Variants in GULP1 observed in about 807,000 individuals in gnomAD.
The protein encoded by GULP1 is GULP PTB domain containing engulfment adaptor 1, also known as PTB domain-containing engulfment adapter protein 1.
In GULP1, 19 loss-of-function variants were observed where a neutral mutation model predicts 40.9. That is an observed-to-expected ratio of 0.46 (90% CI 0.32 to 0.68). GULP1 has a LOEUF of 0.68. Ranked by LOEUF, GULP1 falls within the 30% of genes least tolerant of loss-of-function variation. The pLI, the probability that GULP1 is intolerant of heterozygous loss-of-function variation, is 0.03. For synonymous variants in GULP1, 119 were observed against 117.6 expected, an observed-to-expected ratio of 1.01 and a Z score of -0.08; for missense variants, 312 against 362.2, an observed-to-expected ratio of 0.86 and a Z score of 1.12.
chr2:188,486,716 A>C (rs2061892406), intron 4 of GULP1, among the ~76,000 whole-genome samples: 1 of 151,998 alleles, frequency 6.6e-6, no homozygotes, highest in Admixed American at 6.6e-5. Context: ...GGTTTAAAAT[A>C]AGCATTGTTC....
intron 8 of GULP1, chr2:188,569,631 C>G (rs1698601303): frequency 4.9e-6 from 2 of 404,448 alleles, no homozygotes; most frequent in Non-Finnish European, 8.9e-6. Context: ...GCAGCAGAAG[C>G]AGCAGATGCT....
chr2:188,451,940 A>G (rs1304130183), intron 2 of GULP1, among the ~76,000 whole-genome samples: 1 of 152,212 alleles, frequency 6.6e-6, no homozygotes, highest in African/African-American at 2.4e-5. Flanking sequence ...TATGTTTTAA[A>G]TAGGACATTT....
intron 4 of GULP1, among the ~76,000 whole-genome samples, chr2:188,512,782 A>G (rs6724428): frequency 0.55 from 83,417 of 151,920 alleles, 23,718 homozygotes; most frequent in East Asian, 0.9. Flanking sequence ...TGTTAAATAG[A>G]ATACAGTGAA....
At chr2:188,386,236 G>A (rs1288981180) in intron 2 of GULP1, among the ~76,000 whole-genome samples, 3 of 152,124 alleles carry the variant, frequency 2.0e-5, no homozygotes, top group African/African-American at 7.2e-5. Flanking sequence ...AAGAGGGCTT[G>A]TGTAGGAAAA....
intron 4 of GULP1, among the ~76,000 whole-genome samples, chr2:188,485,709 T>C (rs977599347): frequency 6.6e-5 from 10 of 152,062 alleles, no homozygotes; most frequent in African/African-American, 2.2e-4. Context: ...AACCTTTCTA[T>C]GTCTGTGATT....
intron 7 of GULP1, among the ~76,000 whole-genome samples, chr2:188,542,415 T>A (rs1690760581): frequency 6.6e-6 from 1 of 152,214 alleles, no homozygotes; most frequent in Non-Finnish European, 1.5e-5. Flanking sequence ...ACCTTTTTAT[T>A]TGTTCATGTG....
intron 9 of GULP1, 131 bp downstream of exon 9, chr2:188,570,251 G>A (rs1191949741): frequency 1.8e-6 from 1 of 550,472 alleles, no homozygotes; most frequent in Non-Finnish European, 3.2e-6. Flanking sequence ...AGAGATGAAG[G>A]CTGCTAAGCA....
At chr2:188,512,251 G>A (rs2064655864) in intron 4 of GULP1, among the ~76,000 whole-genome samples, 1 of 151,894 alleles carries the variant, frequency 6.6e-6, no homozygotes, top group African/African-American at 2.4e-5. Context: ...TGGTTACAAA[G>A]ATATATACGC....
intron 2 of GULP1, among the ~76,000 whole-genome samples, chr2:188,403,857 A>G (rs777954180): frequency 6.6e-6 from 1 of 152,180 alleles, no homozygotes; most frequent in Non-Finnish European, 1.5e-5. Context: ...TCTCCTGTTT[A>G]TCTTCTGTGG....
At chr2:188,372,836 C>A (rs2047775916) in intron 1 of GULP1, among the ~76,000 whole-genome samples, 1 of 151,898 alleles carries the variant, frequency 6.6e-6, no homozygotes, top group African/African-American at 2.4e-5. Context: ...CTTCTCTCCT[C>A]ACAGATAGGA....
intron 9 of GULP1, chr2:188,582,405 G>A (rs747753713): frequency 1.1e-4 from 51 of 471,470 alleles, no homozygotes; most frequent in Middle Eastern, 3.2e-4. Context: ...TCTTTCTGGC[G>A]TAGTAATGGT....
intron 2 of GULP1, among the ~76,000 whole-genome samples, chr2:188,400,923 TTGTGTGTGTG>T (rs61060931): frequency 0.021 from 2,886 of 139,616 alleles, 83 homozygotes; most frequent in African/African-American, 0.054. Flanking sequence ...AGTGGTGTGT[TTGTGTGTGTG>T]TGTGTGTGTG....
At chr2:188,484,656 G>A (rs1204612756) in intron 4 of GULP1, among the ~76,000 whole-genome samples, 1 of 152,168 alleles carries the variant, frequency 6.6e-6, no homozygotes, top group African/African-American at 2.4e-5. Flanking sequence ...AATGTTTATT[G>A]AGGAGAAAAT....
intron 1 of GULP1, among the ~76,000 whole-genome samples, chr2:188,310,137 C>T (rs540869388): frequency 5.3e-5 from 8 of 152,236 alleles, no homozygotes; most frequent in East Asian, 1.9e-4. Flanking sequence ...TGTTTATGTG[C>T]CTCTGTTAGA....
intron 4 of GULP1, among the ~76,000 whole-genome samples, chr2:188,498,380 A>T (rs899963920): frequency 1.7e-4 from 26 of 151,924 alleles, no homozygotes; most frequent in African/African-American, 6.3e-4. Context: ...TAGATTCTAT[A>T]GAACATCTGG....
At chr2:188,541,420 G>A in intron 7 of GULP1, 102 bp downstream of exon 7, 2 of 980,208 alleles carry the variant, frequency 2.0e-6, no homozygotes, top group Non-Finnish European at 3.3e-6. Context: ...ATAATTTTCT[G>A]TAAATTATTC....
At chr2:188,315,639 A>T (rs756833814) in intron 1 of GULP1, among the ~76,000 whole-genome samples, 8 of 152,100 alleles carry the variant, frequency 5.3e-5, no homozygotes, top group Admixed American at 1.3e-4. Context: ...TCCTCAGGAG[A>T]CACGTTCCAA....
intron 1 of GULP1, among the ~76,000 whole-genome samples, chr2:188,338,667 T>G (rs1311856803): frequency 6.6e-6 from 1 of 152,158 alleles, no homozygotes; most frequent in Non-Finnish European, 1.5e-5. Flanking sequence ...TCATCAGCAT[T>G]TTATGAAGTC....
intron 1 of GULP1, among the ~76,000 whole-genome samples, chr2:188,355,508 T>C (rs1393450277): frequency 6.6e-6 from 1 of 151,850 alleles, no homozygotes; most frequent in Non-Finnish European, 1.5e-5. Context: ...AGCAGACCAA[T>C]AATGATGTGA....
Sources: allele counts gnomAD v4.1 joint callset (sites outside exome capture counted in the v4.1 genomes callset), GRCh38; gene constraint gnomAD v4.1.1; transcripts MANE v1.5; gene names NCBI Gene and HGNC (gene_info 2026-07-23, HGNC 2026-07-21).